Variants in PDGFC observed in about 807,000 individuals in gnomAD.
PDGFC encodes platelet derived growth factor C.
A neutral mutation model predicts 35.5 loss-of-function variants in PDGFC; 12 were observed. That is an observed-to-expected ratio of 0.34 (90% CI 0.22 to 0.55). PDGFC has a LOEUF of 0.55. Ranked by LOEUF, PDGFC falls within the 20% of genes least tolerant of loss-of-function variation. The probability of loss-of-function intolerance (pLI) is 0.91; values close to 1 mark genes in which losing one functional copy is unlikely to be tolerated. For synonymous variants in PDGFC, 159 were observed against 148.8 expected (o/e 1.07, Z -0.50); for missense variants, 322 against 412.4 (o/e 0.78, Z 1.90).
At chr4:156,913,817 G>T (rs575937849) in intron 1 of PDGFC, among the ~76,000 whole-genome samples, 1 of 152,072 alleles carries the variant, frequency 6.6e-6, no homozygotes, top group Non-Finnish European at 1.5e-5. Context: ...CCCAGGCCCC[G>T]TTGGTGAGTC....
At chr4:156,968,670 T>C (rs1732520798) in intron 1 of PDGFC, among the ~76,000 whole-genome samples, 1 of 152,116 alleles carries the variant, frequency 6.6e-6, no homozygotes, top group Non-Finnish European at 1.5e-5. Context: ...AAAATAGCTC[T>C]ATATTGCCCC....
chr4:156,849,818 C>T (rs917559166), intron 2 of PDGFC, among the ~76,000 whole-genome samples: 5 of 151,936 alleles, frequency 3.3e-5, no homozygotes, highest in East Asian at 1.9e-4. Context: ...CTTTCAGTAG[C>T]TTATCATTTA....
intron 1 of PDGFC, among the ~76,000 whole-genome samples, chr4:156,851,277 TG>T (rs1560840678): frequency 6.6e-6 from 1 of 152,168 alleles, no homozygotes; most frequent in Non-Finnish European, 1.5e-5. Context: ...TAGCAGTACA[TG>T]AAAATATTAA....
chr4:156,850,404 G>A lies in PDGFC; in HGVS notation c.131C>T (p.Pro44Leu). ...CACAGTAATAATTCTCTCATGCTGA[G>A]GATCTTGTACTCCTAAAGCAAAAAA... ...SNKEQNGVQD[P>L]QHERIITVST... Residue 44 changes from proline to leucine, a missense_variant, in exon 2 of 6, where the codon CCT becomes CTT. Transcript: ENST00000502773. 1 of 1,587,486 alleles carries A rather than the reference G, an allele frequency of 6.3e-7. No homozygotes were observed. Among genetic ancestry groups the A allele is most frequent in the Non-Finnish European group, 8.6e-7 (1 of 1,165,594 alleles).
chr4:156,793,314 A>T (rs1383319356), intron 3 of PDGFC, among the ~76,000 whole-genome samples: 1 of 151,826 alleles, frequency 6.6e-6, no homozygotes, highest in African/African-American at 2.4e-5. Flanking sequence ...GTTATTATAC[A>T]ATCTTTTCCC....
intron 1 of PDGFC, among the ~76,000 whole-genome samples, chr4:156,881,683 A>G (rs1336113682): frequency 1.3e-5 from 2 of 151,952 alleles, no homozygotes; most frequent in Admixed American, 6.6e-5. Context: ...ATACAAAATT[A>G]GTGGGGCATG....
rs567869267 is a variant in PDGFC, at chr4:156,784,415, A to G, written c.496-11522T>C. On this transcript the variant is annotated intron_variant, in intron 3 of 5. Coordinates refer to ENST00000502773, the MANE Select transcript of PDGFC (RefSeq NM_016205.3). ...CATCAAAGTAATGGAAAGATCAACA[A>G]GAAAGAGGAGTAAAAGTAGGCCACT... 3.3e-5 allele frequency among the ~76,000 whole-genome samples: 5 copies of G among 152,302 alleles called. No homozygotes were observed. In the South Asian group the frequency reaches 1.0e-3, roughly 32 times the overall value.
intron 3 of PDGFC, among the ~76,000 whole-genome samples, chr4:156,782,888 A>G (rs1162999889): frequency 2.0e-5 from 3 of 152,190 alleles, no homozygotes; most frequent in Non-Finnish European, 4.4e-5. Context: ...TGCTCACAAC[A>G]AATGAAGAAT....
At chr4:156,889,651 C>T (rs527277815) in intron 1 of PDGFC, among the ~76,000 whole-genome samples, 3 of 152,296 alleles carry the variant, frequency 2.0e-5, no homozygotes, top group African/African-American at 4.8e-5. Context: ...AACTCCACTC[C>T]ACACAATTCT....
At chr4:156,946,952 G>A (rs940526861) in intron 1 of PDGFC, among the ~76,000 whole-genome samples, 1 of 151,974 alleles carries the variant, frequency 6.6e-6, no homozygotes, top group African/African-American at 2.4e-5. Context: ...AAAGAAGCAG[G>A]AGCAGAGAAA....
Position 156,970,805 on chromosome 4 carries a change from G to T in PDGFC, c.99C>A (p.Ser33=). 1 of 1,609,022 alleles carries T rather than the reference G, an allele frequency of 6.2e-7. No homozygotes were observed. The highest frequency in any genetic ancestry group is 8.5e-7 in the Non-Finnish European group (1 of 1,175,280). ...ESNLSSKFQF[S]SNKEQNGVQD... is the part of the protein sequence containing the mutation. ...ACTCACCGTTCTGTTCCTTGTTGCT[G>T]GAAAACTGGAATTTACTACTCAGGT... is the stretch of plus-strand genomic sequence containing the variant. Residue 33 remains serine, a synonymous_variant, in exon 1 of 6, where the codon TCC becomes TCA. Coordinates refer to ENST00000502773, the MANE Select transcript of PDGFC (RefSeq NM_016205.3).
At chr4:156,946,677 C>T (rs547793791) in intron 1 of PDGFC, among the ~76,000 whole-genome samples, 20 of 152,078 alleles carry the variant, frequency 1.3e-4, no homozygotes, top group African/African-American at 4.8e-4. Context: ...AGACAGAGCC[C>T]GGGACTGAGA....
intron 4 of PDGFC, among the ~76,000 whole-genome samples, chr4:156,769,911 A>T (rs1029645181): frequency 6.6e-6 from 1 of 152,074 alleles, no homozygotes. Context: ...CTGGTTGCCA[A>T]AGTCTTCAAT....
rs1005439223 is a variant in PDGFC, at chr4:156,761,549, C to A, written c.*1541G>T. 2.0e-5 allele frequency: 3 copies of A among 152,308 alleles called. No individual in the cohort carries two copies. The highest frequency in any genetic ancestry group is 7.2e-5 in the African/African-American group (3 of 41,430). The allele number at this position is 152,308 out of a possible 1,614,324, so 9.4% of individuals were successfully genotyped here. ...TGCTTTTGCTAAATGAAAATCATAA[C>A]AGAAAATTTTATCTTTCATTTTCTC... On this transcript the variant is annotated 3_prime_UTR_variant, in exon 6 of 6. Transcript: ENST00000502773.
At chr4:156,897,327 T>C (rs1730655578) in intron 1 of PDGFC, among the ~76,000 whole-genome samples, 1 of 144,510 alleles carries the variant, frequency 6.9e-6, no homozygotes, top group Non-Finnish European at 1.5e-5. Context: ...AGAGAGAGAA[T>C]ATGAGAGAGT....
At position 156,761,066 on chromosome 4, in the gene PDGFC, A is replaced by C. The variant is rs933604188; in HGVS notation, c.*2024T>G. On this transcript the variant is annotated 3_prime_UTR_variant, in exon 6 of 6. Coordinates refer to ENST00000502773, the MANE Select transcript of PDGFC (RefSeq NM_016205.3). The stretch of plus-strand genomic sequence containing the variant: ...GGCAGGGCAGAACTGCAGGTGTCAA[A>C]GCACAGGAAAAGGGTGCTTGCCTGA... The C allele has an allele frequency of 2.0e-5, 3 of 152,246 alleles. No homozygotes were observed. Among genetic ancestry groups the C allele is most frequent in the Non-Finnish European group, 4.4e-5 (3 of 68,062 alleles). The allele number at this position is 152,246 out of a possible 1,614,324, so 9.4% of individuals were successfully genotyped here. A position where few individuals can be genotyped will look rare whatever the true frequency, so the allele number is the denominator to read the frequency against.
intron 1 of PDGFC, among the ~76,000 whole-genome samples, chr4:156,889,518 C>T (rs1172446376): frequency 6.6e-6 from 1 of 152,148 alleles, no homozygotes; most frequent in East Asian, 1.9e-4. Context: ...AAGGTTAGTG[C>T]TCTTAATTGC....
At chr4:156,773,059 C>T (rs1040393795) in intron 3 of PDGFC, among the ~76,000 whole-genome samples, 166 bp from the exon 4 acceptor site, 2 of 152,178 alleles carry the variant, frequency 1.3e-5, no homozygotes, top group Non-Finnish European at 2.9e-5. Flanking sequence ...TGAAGATGAA[C>T]TCTGATAGAT....
At chr4:156,894,925 T>C (rs1730595335) in intron 1 of PDGFC, among the ~76,000 whole-genome samples, 1 of 152,202 alleles carries the variant, frequency 6.6e-6, no homozygotes, top group Non-Finnish European at 1.5e-5. Context: ...TCACAGCCCC[T>C]GGAAATGTAT....
Sources: allele counts gnomAD v4.1 joint callset (sites outside exome capture counted in the v4.1 genomes callset), GRCh38; gene constraint gnomAD v4.1.1; transcripts MANE v1.5; gene names NCBI Gene and HGNC (gene_info 2026-07-23, HGNC 2026-07-21).